Variants in FGF14 observed in about 807,000 individuals in gnomAD.
The protein encoded by FGF14 is fibroblast growth factor homologous factor 4.
A neutral mutation model predicts 25.5 loss-of-function variants in FGF14; 5 were observed. The observed-to-expected ratio is 0.20, with a 90% confidence interval of 0.10 to 0.41. The LOEUF (loss-of-function observed/expected upper bound fraction) is 0.41. FGF14 is among the 10% of genes least tolerant of loss of function. The pLI, the probability that FGF14 is intolerant of heterozygous loss-of-function variation, is 1.00. For missense variants in FGF14, 222 were observed against 320.1 expected (o/e 0.69, Z 2.34); for synonymous variants, 138 against 118.3 (o/e 1.17, Z -1.08).
intron 1 of FGF14, among the ~76,000 whole-genome samples, chr13:101,980,273 T>C (rs887482098): frequency 6.6e-6 from 1 of 152,124 alleles, no homozygotes; most frequent in African/African-American, 2.4e-5. Flanking sequence ...AGATAAAGGC[T>C]AGTCTTTTTA....
chr13:102,067,741 T>G (rs563802095), intron 1 of FGF14, among the ~76,000 whole-genome samples: 2 of 151,630 alleles, frequency 1.3e-5, no homozygotes, highest in East Asian at 3.9e-4. Flanking sequence ...GGAGAGTTTA[T>G]TTAAAAGGAT....
chr13:101,839,172 A>G (rs1300234854), intron 3 of FGF14, among the ~76,000 whole-genome samples: 1 of 152,068 alleles, frequency 6.6e-6, no homozygotes, highest in African/African-American at 2.4e-5. Flanking sequence ...ATTTCACCGC[A>G]CTGTTCCATG....
chr13:102,044,408 A>T (rs893654216), intron 1 of FGF14, among the ~76,000 whole-genome samples: 6 of 152,298 alleles, frequency 3.9e-5, no homozygotes, highest in South Asian at 4.1e-4. Context: ...AGAGGAACAT[A>T]TATAAATAAA....
chr13:101,849,801 T>C (rs1209640083), intron 3 of FGF14, among the ~76,000 whole-genome samples: 1 of 152,056 alleles, frequency 6.6e-6, no homozygotes, highest in Non-Finnish European at 1.5e-5. Context: ...ATGTTCCTCC[T>C]GGGAGTCATG....
chr13:102,379,551 C>G (rs1241524647), intron 1 of FGF14, among the ~76,000 whole-genome samples: 1 of 151,628 alleles, frequency 6.6e-6, no homozygotes, highest in Admixed American at 6.6e-5. Context: ...CACACATATA[C>G]ACATCCAATA....
chr13:101,756,771 CAAA>C (rs2037691924), intron 3 of FGF14, among the ~76,000 whole-genome samples: 1 of 151,440 alleles, frequency 6.6e-6, no homozygotes, highest in South Asian at 2.1e-4. Flanking sequence ...AACAAACAAA[CAAA>C]AAACTGTCCT....
At chr13:102,191,138 C>T (rs1247375959) in intron 1 of FGF14, among the ~76,000 whole-genome samples, 2 of 152,196 alleles carry the variant, frequency 1.3e-5, no homozygotes, top group African/African-American at 4.8e-5. Flanking sequence ...TCAGAGATAA[C>T]TCCTTGTAAA....
At chr13:101,786,899 G>C (rs1189791165) in intron 3 of FGF14, among the ~76,000 whole-genome samples, 1 of 152,104 alleles carries the variant, frequency 6.6e-6, no homozygotes. Context: ...AACTTGAAAA[G>C]AACCAACTGT....
At chr13:102,068,637 T>C (rs2043008846) in intron 1 of FGF14, among the ~76,000 whole-genome samples, 1 of 152,312 alleles carries the variant, frequency 6.6e-6, no homozygotes, top group African/African-American at 2.4e-5. Flanking sequence ...GCAGAGGGTG[T>C]ACTGGGTCCC....
chr13:101,998,054 A>G (rs1320891813), intron 1 of FGF14, among the ~76,000 whole-genome samples: 1 of 152,098 alleles, frequency 6.6e-6, no homozygotes, highest in Non-Finnish European at 1.5e-5. Flanking sequence ...CCTGAATATA[A>G]TCTTTTACGA....
intron 1 of FGF14, among the ~76,000 whole-genome samples, chr13:102,295,117 A>G (rs1268666866): frequency 6.6e-6 from 1 of 152,168 alleles, no homozygotes; most frequent in Non-Finnish European, 1.5e-5. Flanking sequence ...AAAGAACCAT[A>G]AAAATCATGT....
chr13:102,266,661 A>G (rs531134825), intron 1 of FGF14, among the ~76,000 whole-genome samples: 1 of 152,296 alleles, frequency 6.6e-6, no homozygotes, highest in South Asian at 2.1e-4. Context: ...AGAATTTTAA[A>G]AAGATATTAA....
chr13:101,726,806 A>T lies in FGF14; in HGVS notation c.413T>A (p.Leu138His), dbSNP rs1252933324. The change falls in exon 4 of 5, where the codon CTT becomes CAT. Residue 138 changes from leucine to histidine, a missense_variant. Leu to His is a moderately conservative substitution (Grantham distance 99). Around this residue, in one of 5 missense-constraint regions of FGF14, gnomAD observed 15 missense variants for 55.7 expected, o/e 0.27. Coordinates refer to ENST00000376143, the MANE Select transcript of FGF14 (RefSeq NM_004115.4). ...NGEGYLYPSE[L>H]FTPECKFKES... ...TTTAAACTTGCATTCAGGGGTAAAA[A>T]GTTCCTGTGGAGAGAAAATGAAACA... The T allele has an allele frequency of 6.2e-7, 1 of 1,607,034 alleles. No homozygotes were observed. Among genetic ancestry groups the T allele is most frequent in the Non-Finnish European group, 8.5e-7 (1 of 1,177,148 alleles).
At chr13:102,197,936 T>C (rs1403946125) in intron 1 of FGF14, among the ~76,000 whole-genome samples, 4 of 152,188 alleles carry the variant, frequency 2.6e-5, no homozygotes. Flanking sequence ...CAACCAATAT[T>C]GTGAAACATG....
intron 1 of FGF14, among the ~76,000 whole-genome samples, chr13:102,229,470 C>T (rs781493269): frequency 1.6e-4 from 24 of 152,120 alleles, no homozygotes; most frequent in Non-Finnish European, 2.9e-4. Context: ...GGGCACTGTC[C>T]ATTATTCTTT....
intron 3 of FGF14, among the ~76,000 whole-genome samples, chr13:101,830,652 C>T (rs1055825781): frequency 2.0e-5 from 3 of 152,020 alleles, no homozygotes; most frequent in African/African-American, 7.2e-5. Context: ...TAGGAAATTT[C>T]TAAATTTTCA....
At chr13:101,924,566 G>A (rs1221752539) in intron 1 of FGF14, among the ~76,000 whole-genome samples, 2 of 152,162 alleles carry the variant, frequency 1.3e-5, no homozygotes, top group African/African-American at 4.8e-5. Flanking sequence ...TAATAGTTAA[G>A]TGGGAATTAA....
At chr13:102,122,070 G>C (rs1342192435) in intron 1 of FGF14, among the ~76,000 whole-genome samples, 1 of 152,144 alleles carries the variant, frequency 6.6e-6, no homozygotes, top group African/African-American at 2.4e-5. Flanking sequence ...GGATATACTA[G>C]AGTCATGAGT....
At chr13:102,227,771 G>A (rs1336691) in intron 1 of FGF14, among the ~76,000 whole-genome samples, 124,807 of 152,184 alleles carry the variant, frequency 0.82, 51,797 homozygotes, top group African/African-American at 0.95. Context: ...AGAGTCCTCA[G>A]TAAAGGGGAT....
Sources: gnomAD v4.1 joint callset for allele counts (sites outside exome capture counted in the v4.1 genomes callset) on GRCh38, gnomAD v4.1.1 for gene constraint, gnomAD v4.1.1 regional missense constraint, MANE v1.5 for transcripts, NCBI Gene and HGNC (gene_info 2026-07-23, HGNC 2026-07-21) for gene names.